KCND2: variants seen among roughly 807,000 people sequenced by gnomAD.
The protein encoded by KCND2 is potassium voltage-gated channel subfamily D member 2, also known as A-type voltage-gated potassium channel KCND2.
A neutral mutation model predicts 54.4 loss-of-function variants in KCND2; 16 were observed. That is an observed-to-expected ratio of 0.29 (90% CI 0.20 to 0.45). The LOEUF is 0.45. Ranked by LOEUF, KCND2 falls within the 20% of genes least tolerant of loss-of-function variation. The pLI, the probability that KCND2 is intolerant of heterozygous loss-of-function variation, is 1.00. For missense variants in KCND2, 486 were observed against 824.2 expected (o/e 0.59, Z 5.02); for synonymous variants, 317 against 310.7 (o/e 1.02, Z -0.21).
At chr7:120,523,633 TG>T (rs1372718070) in intron 1 of KCND2, among the ~76,000 whole-genome samples, 1 of 148,504 alleles carries the variant, frequency 6.7e-6, no homozygotes, top group Non-Finnish European at 1.5e-5. Context: ...ATATATAGTA[TG>T]TATATACAAT....
chr7:120,324,962 C>T (rs1047871747), intron 1 of KCND2, among the ~76,000 whole-genome samples: 3 of 123,576 alleles, frequency 2.4e-5, no homozygotes, highest in African/African-American at 8.8e-5. Flanking sequence ...TGTTTGTATC[C>T]TCTTTTATTT....
intron 1 of KCND2, among the ~76,000 whole-genome samples, chr7:120,289,559 A>C (rs1799405328): frequency 6.6e-6 from 1 of 152,162 alleles, no homozygotes; most frequent in Non-Finnish European, 1.5e-5. Context: ...ACTTAATCTC[A>C]TGTCCCTTTT....
rs549862899 is a variant in KCND2, at chr7:120,339,325, G to GA, written c.1115+63586dup. Reference sequence around the variant, plus strand: ...CAAGCACAGACTAGAAAAGCAATATGAAAAAAAACACATAGAAGAAATATA... The same window carrying GA: ...CAAGCACAGACTAGAAAAGCAATATGAAAAAAAAACACATAGAAGAAATATA... On this transcript the variant is annotated intron_variant, in intron 1 of 5. Transcript: ENST00000331113. Among the ~76,000 whole-genome samples the GA allele has an allele frequency of 1.2e-4, 18 of 151,518 alleles. No homozygotes were observed. The East Asian group carries it at 2.1e-3, about 18-fold the overall frequency.
At chr7:120,508,052 C>CT (rs1031708082) in intron 1 of KCND2, among the ~76,000 whole-genome samples, 25 of 150,108 alleles carry the variant, frequency 1.7e-4, no homozygotes, top group Admixed American at 1.4e-3. Context: ...ATTTCAAAGG[C>CT]TTTTTTTTTC....
Position 120,305,261 on chromosome 7 carries a change from A to T in KCND2, c.1115+29514A>T, listed in dbSNP as rs574787830. On this transcript the variant is annotated intron_variant, in intron 1 of 5. Transcript: ENST00000331113. The stretch of plus-strand genomic sequence containing the variant: ...GCTGTAGGTTCAAACTGTTCTGTTG[A>T]AAATGTGCCCAAGTTTAACCAGACA... Among the ~76,000 whole-genome samples the T allele has an allele frequency of 8.5e-5, 13 of 152,254 alleles. No individual in the cohort carries two copies. In the East Asian group the frequency reaches 2.5e-3, roughly 29 times the overall value.
At chr7:120,718,575 GGCAGTGCCGTTCTGCAAA>G (rs1792631089) in intron 1 of KCND2, among the ~76,000 whole-genome samples, 1 of 152,126 alleles carries the variant, frequency 6.6e-6, no homozygotes, top group African/African-American at 2.4e-5. Flanking sequence ...CTGTGACAGA[GGCAGTGCCGTTCTGCAAA>G]GCCTAAAATG....
intron 1 of KCND2, among the ~76,000 whole-genome samples, chr7:120,497,625 T>C (rs1269982408): frequency 6.6e-6 from 1 of 152,216 alleles, no homozygotes; most frequent in Non-Finnish European, 1.5e-5. Flanking sequence ...TTTGTTCTTA[T>C]ATTGCAAGTT....
intron 1 of KCND2, among the ~76,000 whole-genome samples, chr7:120,528,280 A>G (rs754291470): frequency 6.6e-6 from 1 of 152,136 alleles, no homozygotes; most frequent in Non-Finnish European, 1.5e-5. Flanking sequence ...AAATTTTCTT[A>G]GCTGTGCGGA....
intron 1 of KCND2, among the ~76,000 whole-genome samples, chr7:120,667,244 C>T (rs901551700): frequency 4.6e-5 from 7 of 151,830 alleles, no homozygotes; most frequent in Non-Finnish European, 8.8e-5. Context: ...GTGATGTGGT[C>T]GATTTACAAA....
chr7:120,660,643 C>T (rs994236602), intron 1 of KCND2, among the ~76,000 whole-genome samples: 3 of 152,126 alleles, frequency 2.0e-5, no homozygotes, highest in African/African-American at 7.2e-5. Flanking sequence ...TTAAGGCTTG[C>T]TTATGTACAA....
chr7:120,675,516 G>T (rs536162499), intron 1 of KCND2, among the ~76,000 whole-genome samples: 1 of 152,112 alleles, frequency 6.6e-6, no homozygotes, highest in Admixed American at 6.5e-5. Flanking sequence ...GATTACCAGC[G>T]TGAGCCACTG....
intron 1 of KCND2, among the ~76,000 whole-genome samples, chr7:120,406,229 A>C (rs558633991): frequency 5.1e-4 from 78 of 152,190 alleles, no homozygotes; most frequent in Non-Finnish European, 4.0e-4. Context: ...CAAAAGGATC[A>C]TTAATTCAAA....
chr7:120,649,084 T>C (rs1002889918), intron 1 of KCND2, among the ~76,000 whole-genome samples: 1 of 152,204 alleles, frequency 6.6e-6, no homozygotes, highest in African/African-American at 2.4e-5. Flanking sequence ...TCCTAACCTC[T>C]CATTTAATTT....
intron 1 of KCND2, among the ~76,000 whole-genome samples, chr7:120,637,849 A>C (rs1470068919): frequency 6.6e-6 from 1 of 152,106 alleles, no homozygotes; most frequent in Non-Finnish European, 1.5e-5. Flanking sequence ...TGAAGAACTT[A>C]GCTCCTGTGT....
chr7:120,324,773 G>A (rs1799947967), intron 1 of KCND2, among the ~76,000 whole-genome samples: 1 of 151,980 alleles, frequency 6.6e-6, no homozygotes, highest in African/African-American at 2.4e-5. Context: ...GGATTGACTT[G>A]GCAATGAGGG....
intron 1 of KCND2, among the ~76,000 whole-genome samples, chr7:120,345,528 A>G (rs1331874432): frequency 6.6e-6 from 1 of 152,128 alleles, no homozygotes. Flanking sequence ...TGTACCTATT[A>G]AGCAACAGCA....
intron 1 of KCND2, among the ~76,000 whole-genome samples, chr7:120,562,848 A>G (rs1230564526): frequency 6.6e-6 from 1 of 152,190 alleles, no homozygotes; most frequent in Non-Finnish European, 1.5e-5. Context: ...CAGTTCAGAA[A>G]TGAATTTTTG....
chr7:120,674,195 C>T (rs958031730), intron 1 of KCND2, among the ~76,000 whole-genome samples: 17 of 152,100 alleles, frequency 1.1e-4, no homozygotes, highest in Admixed American at 7.9e-4. Context: ...TGAGCCACTA[C>T]GCCCAGCCAC....
At chr7:120,517,251 C>T (rs1803209104) in intron 1 of KCND2, among the ~76,000 whole-genome samples, 1 of 151,948 alleles carries the variant, frequency 6.6e-6, no homozygotes, top group Admixed American at 6.6e-5. Flanking sequence ...ATAGTTAAAA[C>T]TGATGAGAGT....
Sources: allele counts gnomAD v4.1 joint callset (sites outside exome capture counted in the v4.1 genomes callset), GRCh38; gene constraint gnomAD v4.1.1; transcripts MANE v1.5; gene names NCBI Gene and HGNC (gene_info 2026-07-23, HGNC 2026-07-21).